Variants in ERBB4 observed in about 807,000 individuals in gnomAD.
ERBB4 encodes the protein erb-b2 receptor tyrosine kinase 4.
Under a neutral mutation model 158.0 loss-of-function variants are expected in ERBB4, and 42 were observed. That is an observed-to-expected ratio of 0.27 (90% CI 0.21 to 0.34). The LOEUF is 0.34. Ranked by LOEUF, ERBB4 falls within the 10% of genes least tolerant of loss-of-function variation. ERBB4 has a pLI of 1.00. For synonymous variants in ERBB4, 583 were observed against 558.7 expected (o/e 1.04, Z -0.61); for missense variants, 1,333 against 1,624.1 (o/e 0.82, Z 3.08).
intron 3 of ERBB4, among the ~76,000 whole-genome samples, chr2:211,795,364 T>C (rs926912306): frequency 6.6e-6 from 1 of 151,876 alleles, no homozygotes; most frequent in African/African-American, 2.4e-5. Context: ...ACTCACGGTA[T>C]CTGTCGCATA....
chr2:211,447,003 C>T (rs201707882), intron 20 of ERBB4, among the ~76,000 whole-genome samples: 4 of 151,938 alleles, frequency 2.6e-5, no homozygotes, highest in East Asian at 1.9e-4. Context: ...ACACTGAAAG[C>T]GTAAAACAAC....
intron 13 of ERBB4, among the ~76,000 whole-genome samples, chr2:211,673,468 T>C (rs750897024): frequency 7.5e-6 from 1 of 133,240 alleles, no homozygotes; most frequent in African/African-American, 2.9e-5. Flanking sequence ...AGTTCAATGT[T>C]AGACTCATTC....
At chr2:211,819,596 G>C (rs560048260) in intron 3 of ERBB4, among the ~76,000 whole-genome samples, 1 of 152,090 alleles carries the variant, frequency 6.6e-6, no homozygotes, top group African/African-American at 2.4e-5. Context: ...AAGCAAGGGA[G>C]GATGGACTTA....
At chr2:212,347,135 A>G (rs1315399627) in intron 1 of ERBB4, among the ~76,000 whole-genome samples, 3 of 152,060 alleles carry the variant, frequency 2.0e-5, no homozygotes, top group Admixed American at 1.3e-4. Context: ...AAAACACTTG[A>G]CTCTCTCCTC....
intron 24 of ERBB4, 105 bp downstream of exon 24, chr2:211,421,902 A>G (rs1017765017): frequency 3.3e-5 from 25 of 759,950 alleles, no homozygotes; most frequent in African/African-American, 2.6e-4. Context: ...TTAATTAATC[A>G]ACATGTTTGT....
At chr2:212,205,949 TTTC>T (rs2082733347) in intron 1 of ERBB4, among the ~76,000 whole-genome samples, 1 of 152,194 alleles carries the variant, frequency 6.6e-6, no homozygotes. Flanking sequence ...GCTATTTTGG[TTTC>T]TTCAAGTATC....
At chr2:212,184,115 C>T (rs1470141706) in intron 1 of ERBB4, among the ~76,000 whole-genome samples, 1 of 152,028 alleles carries the variant, frequency 6.6e-6, no homozygotes, top group Non-Finnish European at 1.5e-5. Flanking sequence ...TGAAATAAAA[C>T]ATTTTATGCG....
intron 20 of ERBB4, among the ~76,000 whole-genome samples, chr2:211,445,360 T>C (rs544323722): frequency 1.2e-4 from 18 of 152,228 alleles, no homozygotes; most frequent in African/African-American, 4.1e-4. Flanking sequence ...CAGACAGATA[T>C]GGGACCTTAC....
intron 25 of ERBB4, among the ~76,000 whole-genome samples, chr2:211,402,039 T>C (rs2063054361): frequency 1.3e-5 from 2 of 151,890 alleles, no homozygotes. Flanking sequence ...GAAATATTAA[T>C]ACATGGTCTT....
At chr2:211,452,188 T>TTC (rs2064262953) in intron 20 of ERBB4, among the ~76,000 whole-genome samples, 1 of 97,992 alleles carries the variant, frequency 1.0e-5, no homozygotes, top group African/African-American at 4.5e-5. Flanking sequence ...TAAACACTAT[T>TTC]TTTTTTTGAG....
chr2:212,335,192 A>C (rs1328349178), intron 1 of ERBB4, among the ~76,000 whole-genome samples: 1 of 151,940 alleles, frequency 6.6e-6, no homozygotes, highest in African/African-American at 2.4e-5. Context: ...TAAACGATAA[A>C]GGTTCTAAAA....
intron 2 of ERBB4, among the ~76,000 whole-genome samples, chr2:211,970,592 A>T (rs573933289): frequency 6.6e-6 from 1 of 152,080 alleles, no homozygotes; most frequent in Non-Finnish European, 1.5e-5. Flanking sequence ...CAATAGTTAG[A>T]TCTTCTTGCT....
At chr2:211,565,226 A>G (rs2067513027) in intron 19 of ERBB4, among the ~76,000 whole-genome samples, 1 of 152,230 alleles carries the variant, frequency 6.6e-6, no homozygotes, top group African/African-American at 2.4e-5. Flanking sequence ...AACTGGGAAT[A>G]GTTACATAAT....
intron 5 of ERBB4, among the ~76,000 whole-genome samples, 170 bp downstream of exon 5, chr2:211,750,469 T>C (rs2075099738): frequency 6.6e-6 from 1 of 152,188 alleles, no homozygotes; most frequent in African/African-American, 2.4e-5. Context: ...ATATATTAAT[T>C]TTCATTTGAA....
chr2:212,129,721 A>G (rs2080052215), intron 1 of ERBB4, among the ~76,000 whole-genome samples: 1 of 151,964 alleles, frequency 6.6e-6, no homozygotes, highest in Non-Finnish European at 1.5e-5. Flanking sequence ...GTATGTTTAG[A>G]AATATTTTTT....
At chr2:212,075,657 T>C (rs891567268) in intron 2 of ERBB4, among the ~76,000 whole-genome samples, 1 of 151,904 alleles carries the variant, frequency 6.6e-6, no homozygotes, top group Admixed American at 6.6e-5. Flanking sequence ...ATTTCTTGAA[T>C]GTAGAGAAAC....
intron 17 of ERBB4, 89 bp from the exon 18 acceptor site, chr2:211,624,133 C>T: frequency 6.8e-7 from 1 of 1,471,138 alleles, no homozygotes; most frequent in East Asian, 2.4e-5. Context: ...CTTTGGTTCT[C>T]TTTCTTACAA....
At chr2:211,654,160 C>G (rs983721041) in intron 16 of ERBB4, among the ~76,000 whole-genome samples, 2 of 152,136 alleles carry the variant, frequency 1.3e-5, no homozygotes, top group African/African-American at 4.8e-5. Context: ...TACTGAAGAC[C>G]TGAAAAAGCA....
intron 4 of ERBB4, among the ~76,000 whole-genome samples, chr2:211,759,250 C>A (rs2075353109): frequency 1.3e-5 from 2 of 152,146 alleles, no homozygotes; most frequent in Admixed American, 6.5e-5. Context: ...CATTGTAATA[C>A]AAACCACTAT....
Sources: allele counts gnomAD v4.1 joint callset (sites outside exome capture counted in the v4.1 genomes callset), GRCh38; gene constraint gnomAD v4.1.1; transcripts MANE v1.5; gene names NCBI Gene and HGNC (gene_info 2026-07-23, HGNC 2026-07-21).